The following LDLRAD4 variants were observed in gnomAD, a reference collection of about 807,000 sequenced individuals.
LDLRAD4 encodes low-density lipoprotein receptor class A domain-containing protein 4.
Under a neutral mutation model 17.0 loss-of-function variants are expected in LDLRAD4, and 5 were observed. The observed-to-expected ratio is 0.29, with a 90% confidence interval of 0.15 to 0.62. The LOEUF is 0.62. LDLRAD4 is among the 20% of genes least tolerant of loss of function. LDLRAD4 has a pLI of 0.84. For missense variants in LDLRAD4, 340 were observed against 424.7 expected (o/e 0.80, Z 1.75); for synonymous variants, 168 against 171.8 (o/e 0.98, Z 0.17).
chr18:13,282,132 A>G (rs927943929), intron 1 of LDLRAD4, among the ~76,000 whole-genome samples: 1 of 152,176 alleles, frequency 6.6e-6, no homozygotes, highest in Admixed American at 6.5e-5. Context: ...CCATGATTCA[A>G]CTACCTTCCC....
At chr18:13,590,752 C>G (rs947925706) in intron 3 of LDLRAD4, among the ~76,000 whole-genome samples, 1 of 152,192 alleles carries the variant, frequency 6.6e-6, no homozygotes, top group Non-Finnish European at 1.5e-5. Flanking sequence ...ATTAAAAGCT[C>G]AGGAAAGCTT....
At chr18:13,459,752 G>T (rs1327539319) in intron 3 of LDLRAD4, among the ~76,000 whole-genome samples, 1 of 152,112 alleles carries the variant, frequency 6.6e-6, no homozygotes, top group Non-Finnish European at 1.5e-5. Context: ...GATACATATG[G>T]CTTTGTCTAT....
chr18:13,617,477 C>T (rs1310315486), intron 3 of LDLRAD4, among the ~76,000 whole-genome samples: 1 of 152,078 alleles, frequency 6.6e-6, no homozygotes, highest in Non-Finnish European at 1.5e-5. Flanking sequence ...TAAAGAGGAC[C>T]TTCCCAATCA....
Position 13,621,172 on chromosome 18 carries a change from G to A in LDLRAD4, c.237G>A (p.Val79=). 1 of 1,614,156 alleles carries A rather than the reference G, an allele frequency of 6.2e-7. No individual in the cohort carries two copies. Among genetic ancestry groups the A allele is most frequent in the Non-Finnish European group, 8.5e-7 (1 of 1,180,000 alleles). The stretch of plus-strand genomic sequence containing the variant: ...TCGTCGTGGTGGTCACGGTGATGGT[G>A]GTGGTCATCGTCTGCCTGCTGAACC... Residue 79 remains valine, a synonymous_variant, in exon 4 of 6, where the codon GTG becomes GTA. Transcript: ENST00000359446. The surrounding 1 kb of genome is among the most constrained non-coding windows in gnomAD (Gnocchi z 5.5).
intron 1 of LDLRAD4, among the ~76,000 whole-genome samples, chr18:13,290,925 G>A (rs2045928662): frequency 6.6e-6 from 1 of 152,228 alleles, no homozygotes; most frequent in Admixed American, 6.5e-5. Flanking sequence ...CTGCACCGTG[G>A]CTTCCTGAGA....
At chr18:13,275,153 T>C (rs964078785), upstream of LDLRAD4, among the ~76,000 whole-genome samples, 3 of 152,224 alleles carry the variant, frequency 2.0e-5, 1 homozygote, top group South Asian at 6.2e-4. Flanking sequence ...TTTGTCACTT[T>C]AGTTGGGAAG....
intron 1 of LDLRAD4, among the ~76,000 whole-genome samples, chr18:13,376,453 C>A (rs2084919418): frequency 6.6e-6 from 1 of 152,222 alleles, no homozygotes; most frequent in South Asian, 2.1e-4. Context: ...TTCCCTCTTG[C>A]CAGCGGCATC....
At chr18:13,430,322 C>G (rs755718136) in intron 2 of LDLRAD4, among the ~76,000 whole-genome samples, 12 of 152,218 alleles carry the variant, frequency 7.9e-5, no homozygotes, top group Non-Finnish European at 8.8e-5. Flanking sequence ...ATTGATGCTG[C>G]TTTCTCTGCA....
At chr18:13,402,125 A>G (rs1170095105) in intron 2 of LDLRAD4, among the ~76,000 whole-genome samples, 3 of 152,212 alleles carry the variant, frequency 2.0e-5, no homozygotes. Flanking sequence ...ACCGTCTTTT[A>G]AAAAGATAGG....
chr18:13,612,957 T>G, intron 3 of LDLRAD4: 1 of 613,426 alleles, frequency 1.6e-6, no homozygotes, highest in South Asian at 2.1e-5. Context: ...TTTAGGAAGA[T>G]GCATGTCAGG....
At chr18:13,438,508 C>CTCTGAA in intron 3 of LDLRAD4, 124 bp downstream of exon 4, 1 of 759,612 alleles carries the variant, frequency 1.3e-6, no homozygotes, top group Non-Finnish European at 2.2e-6. Flanking sequence ...TGCATTTTCA[C>CTCTGAA]AAAGGAAATG....
intron 1 of LDLRAD4, among the ~76,000 whole-genome samples, chr18:13,267,614 A>T (rs184320999): frequency 4.7e-4 from 72 of 152,380 alleles, no homozygotes; most frequent in African/African-American, 1.7e-3. Context: ...TCTAACTGAG[A>T]TGAGCAAGCC....
chr18:13,464,844 C>G (rs1271899025), intron 3 of LDLRAD4, among the ~76,000 whole-genome samples: 2 of 131,080 alleles, frequency 1.5e-5, no homozygotes, highest in African/African-American at 5.7e-5. Context: ...CATGGCTTGA[C>G]AGACTGAACA....
intron 3 of LDLRAD4, among the ~76,000 whole-genome samples, chr18:13,594,695 AG>A (rs2095073101): frequency 6.9e-6 from 1 of 145,656 alleles, no homozygotes; most frequent in African/African-American, 2.5e-5. Flanking sequence ...AAAAAGAAAC[AG>A]GAAGAAATAC....
At chr18:13,235,261 A>AT (rs2042279860) in intron 1 of LDLRAD4, 1 of 151,832 alleles carries the variant, frequency 6.6e-6, no homozygotes, top group Non-Finnish European at 1.5e-5. Context: ...CAAAAAAAAA[A>AT]AAAATCATCA....
At chr18:13,226,123 G>T (rs1288311535) in intron 1 of LDLRAD4, among the ~76,000 whole-genome samples, 1 of 147,788 alleles carries the variant, frequency 6.8e-6, no homozygotes, top group African/African-American at 2.5e-5. Context: ...CAGGCTTGTG[G>T]CATCCTCTGC....
intron 4 of LDLRAD4, among the ~76,000 whole-genome samples, chr18:13,635,857 G>A (rs561763512): frequency 1.3e-5 from 2 of 152,244 alleles, no homozygotes; most frequent in East Asian, 3.9e-4. Flanking sequence ...CAACTTCCAG[G>A]GCCAAGCCAG....
chr18:13,530,239 C>T (rs2094106835), intron 3 of LDLRAD4, among the ~76,000 whole-genome samples: 1 of 152,174 alleles, frequency 6.6e-6, no homozygotes, highest in Non-Finnish European at 1.5e-5. Flanking sequence ...ATGTAGTGTA[C>T]AGCTGCAGAC....
At chr18:13,433,010 C>G (rs2090442300) in intron 2 of LDLRAD4, among the ~76,000 whole-genome samples, 1 of 152,208 alleles carries the variant, frequency 6.6e-6, no homozygotes, top group South Asian at 2.1e-4. Context: ...AACCACTATG[C>G]CCAGCCTGAA....
Sources: gnomAD v4.1 joint callset for allele counts (sites outside exome capture counted in the v4.1 genomes callset) on GRCh38, gnomAD v4.1.1 for gene constraint, Gnocchi (gnomAD v3.1) non-coding constraint, MANE v1.5 for transcripts, NCBI Gene and HGNC (gene_info 2026-07-23, HGNC 2026-07-21) for gene names.